The following DLG2 variants were observed in gnomAD, a reference collection of about 807,000 sequenced individuals.
The protein encoded by DLG2 is discs large MAGUK scaffold protein 2.
In DLG2, 45 loss-of-function variants were observed where a neutral mutation model predicts 132.5. That is an observed-to-expected ratio of 0.34 (90% CI 0.27 to 0.44). DLG2 has a LOEUF of 0.44. DLG2 is among the 20% of genes least tolerant of loss of function. The pLI, the probability that DLG2 is intolerant of heterozygous loss-of-function variation, is 1.00. For missense variants in DLG2, 1,045 were observed against 1,196.9 expected (o/e 0.87, Z 1.87); for synonymous variants, 424 against 419.6 (o/e 1.01, Z -0.13).
At chr11:84,198,463 A>G (rs2096551070) in intron 8 of DLG2, among the ~76,000 whole-genome samples, 2 of 152,150 alleles carry the variant, frequency 1.3e-5, no homozygotes. Flanking sequence ...AGCATACTAA[A>G]TGGCCTCTAG....
At chr11:83,702,962 G>A (rs2083224385) in intron 18 of DLG2, among the ~76,000 whole-genome samples, 1 of 152,218 alleles carries the variant, frequency 6.6e-6, no homozygotes, top group Non-Finnish European at 1.5e-5. Flanking sequence ...GAAAAGCACT[G>A]TAAATGACAA....
chr11:83,512,023 T>G (rs1474660154), intron 21 of DLG2, among the ~76,000 whole-genome samples: 1 of 152,134 alleles, frequency 6.6e-6, no homozygotes, highest in African/African-American at 2.4e-5. Flanking sequence ...TGTTGGAAAT[T>G]TGTAAACAGT....
At chr11:84,464,325 A>G (rs2099088355) in intron 7 of DLG2, among the ~76,000 whole-genome samples, 1 of 151,214 alleles carries the variant, frequency 6.6e-6, no homozygotes. Flanking sequence ...GGAGGCAACA[A>G]ATGATGCTGG....
intron 14 of DLG2, among the ~76,000 whole-genome samples, chr11:83,960,837 A>G (rs188607781): frequency 3.9e-5 from 6 of 152,060 alleles, no homozygotes; most frequent in African/African-American, 1.4e-4. Flanking sequence ...AACACCAACA[A>G]TGGTAAGAGA....
chr11:84,124,330 T>C (rs1482747414), intron 9 of DLG2, among the ~76,000 whole-genome samples: 1 of 152,214 alleles, frequency 6.6e-6, no homozygotes, highest in African/African-American at 2.4e-5. Flanking sequence ...TATTTCTACC[T>C]GACAATGGAA....
chr11:83,893,871 G>A (rs1209181595), intron 15 of DLG2, among the ~76,000 whole-genome samples: 1 of 152,130 alleles, frequency 6.6e-6, no homozygotes, highest in African/African-American at 2.4e-5. Flanking sequence ...AGGAAAATGT[G>A]TTGACTTCAT....
chr11:83,635,547 G>C (rs2064574228), intron 18 of DLG2, among the ~76,000 whole-genome samples: 2 of 152,064 alleles, frequency 1.3e-5, no homozygotes, highest in Non-Finnish European at 2.9e-5. Context: ...GCTTACCCTA[G>C]TGGTACATGT....
At chr11:85,335,304 G>A (rs544741172) in intron 3 of DLG2, among the ~76,000 whole-genome samples, 2 of 151,654 alleles carry the variant, frequency 1.3e-5, no homozygotes, top group Non-Finnish European at 2.9e-5. Flanking sequence ...TTGAGCTATG[G>A]GTGTCACTGC....
intron 4 of DLG2, among the ~76,000 whole-genome samples, chr11:85,240,193 T>C (rs1178566629): frequency 1.3e-5 from 2 of 151,898 alleles, no homozygotes; most frequent in Admixed American, 6.6e-5. Context: ...TGTTTCCTCA[T>C]CTGTGAAAAG....
intron 11 of DLG2, among the ~76,000 whole-genome samples, chr11:83,994,176 G>A (rs78421744): frequency 0.082 from 12,523 of 152,082 alleles, 590 homozygotes; most frequent in African/African-American, 0.12. Flanking sequence ...TTTATAGGAA[G>A]GGTTGATATT....
chr11:83,927,789 G>A (rs1414023418), intron 15 of DLG2, among the ~76,000 whole-genome samples: 1 of 152,094 alleles, frequency 6.6e-6, no homozygotes, highest in Non-Finnish European at 1.5e-5. Flanking sequence ...GGTGGGAGAT[G>A]ATGGGGGCTT....
intron 3 of DLG2, among the ~76,000 whole-genome samples, chr11:85,497,187 GT>G (rs371819132): frequency 6.6e-6 from 1 of 152,052 alleles, no homozygotes; most frequent in Non-Finnish European, 1.5e-5. Context: ...TTGAAAAAAG[GT>G]TAGACGAATG....
intron 10 of DLG2, among the ~76,000 whole-genome samples, chr11:84,075,756 A>G (rs113614045): frequency 5.9e-5 from 9 of 152,186 alleles, no homozygotes; most frequent in African/African-American, 2.2e-4. Context: ...GTAATTTCAC[A>G]GTACTTATAC....
At chr11:85,195,322 T>A (rs1381939350) in intron 4 of DLG2, among the ~76,000 whole-genome samples, 1 of 152,088 alleles carries the variant, frequency 6.6e-6, no homozygotes, top group African/African-American at 2.4e-5. Flanking sequence ...GAAGGCAGCA[T>A]GCATGGATGC....
At chr11:83,834,067 C>T (rs1161336962) in intron 16 of DLG2, among the ~76,000 whole-genome samples, 1 of 152,134 alleles carries the variant, frequency 6.6e-6, no homozygotes, top group East Asian at 1.9e-4. Flanking sequence ...TTGTATCAAG[C>T]ACCACAGTAG....
intron 5 of DLG2, among the ~76,000 whole-genome samples, chr11:85,126,180 A>G (rs1011780381): frequency 1.3e-5 from 2 of 152,328 alleles, no homozygotes; most frequent in South Asian, 4.1e-4. Flanking sequence ...AAGATAGGGA[A>G]GGTAACACAG....
intron 21 of DLG2, among the ~76,000 whole-genome samples, chr11:83,505,294 G>A (rs189949895): frequency 6.6e-6 from 1 of 152,278 alleles, no homozygotes; most frequent in East Asian, 1.9e-4. Flanking sequence ...CTGGCAAATG[G>A]GGCACTCAGC....
intron 19 of DLG2, among the ~76,000 whole-genome samples, chr11:83,593,549 ACGAGTTAGTGGGTGCAGTG>A (rs1454681738): frequency 1.3e-5 from 2 of 151,888 alleles, no homozygotes; most frequent in Non-Finnish European, 1.5e-5. Flanking sequence ...ATGCTAGATG[ACGAGTTAGTGGGTGCAGTG>A]CACCAGCATG....
chr11:83,785,508 ACT>A (rs2095018330), intron 18 of DLG2, among the ~76,000 whole-genome samples: 1 of 152,164 alleles, frequency 6.6e-6, no homozygotes, highest in African/African-American at 2.4e-5. Flanking sequence ...CCTCTTTCCC[ACT>A]CTCTGGCCAT....
Sources: allele counts gnomAD v4.1 joint callset (sites outside exome capture counted in the v4.1 genomes callset), GRCh38; gene constraint gnomAD v4.1.1; transcripts MANE v1.5; gene names NCBI Gene and HGNC (gene_info 2026-07-23, HGNC 2026-07-21).